The following JAM3 variants were observed in gnomAD, a reference collection of about 807,000 sequenced individuals.
JAM3 encodes junctional adhesion molecule 3.
JAM3 carries 31 observed loss-of-function variants against 39.4 expected under a neutral mutation model. The ratio of observed to expected loss-of-function variants is 0.79; its 90% CI spans 0.59 to 1.06. The LOEUF is 1.06. JAM3 is among the 50% of genes least tolerant of loss of function. The pLI is 0.00. For synonymous variants in JAM3, 182 were observed against 148.7 expected (o/e 1.22, Z -1.63); for missense variants, 455 against 391.4 (o/e 1.16, Z -1.37).
chr11:134,084,882 G>A (rs1941724001), intron 1 of JAM3, among the ~76,000 whole-genome samples: 1 of 152,098 alleles, frequency 6.6e-6, no homozygotes, highest in South Asian at 2.1e-4. Flanking sequence ...CTTTATGTTG[G>A]GTACTACTAA....
chr11:134,106,397 G>T (rs1316340770), intron 1 of JAM3, among the ~76,000 whole-genome samples: 3 of 152,008 alleles, frequency 2.0e-5, no homozygotes, highest in African/African-American at 7.3e-5. Context: ...AAAAACCCTA[G>T]AAGAAAACCT....
At chr11:134,128,643 CTCTG>C (rs774079034) in intron 1 of JAM3, among the ~76,000 whole-genome samples, 17 of 151,842 alleles carry the variant, frequency 1.1e-4, no homozygotes, top group Non-Finnish European at 1.8e-4. Context: ...TGCATGTGTG[CTCTG>C]TCTCTCTCCT....
At chr11:134,090,007 G>A (rs1941816209) in intron 1 of JAM3, among the ~76,000 whole-genome samples, 1 of 152,184 alleles carries the variant, frequency 6.6e-6, no homozygotes, top group South Asian at 2.1e-4. Context: ...CATTCTAACT[G>A]GTGTGAGATG....
intron 1 of JAM3, among the ~76,000 whole-genome samples, chr11:134,078,565 C>T (rs543393166): frequency 1.3e-5 from 2 of 152,316 alleles, no homozygotes; most frequent in East Asian, 3.9e-4. Flanking sequence ...AAAACTATGA[C>T]TTATGTGAGA....
intron 1 of JAM3, among the ~76,000 whole-genome samples, chr11:134,116,952 G>GT (rs1199146390): frequency 1.3e-4 from 19 of 151,820 alleles, no homozygotes; most frequent in African/African-American, 4.6e-4. Flanking sequence ...TACCTACAAC[G>GT]TATTTATAGT....
At chr11:134,115,494 TAGC>T in intron 1 of JAM3, among the ~76,000 whole-genome samples, 1 of 152,208 alleles carries the variant, frequency 6.6e-6, no homozygotes, top group East Asian at 1.9e-4. Flanking sequence ...GTTGGTTTAT[TAGC>T]TATAACTTAT....
intron 1 of JAM3, among the ~76,000 whole-genome samples, chr11:134,107,498 T>C (rs1279683519): frequency 6.6e-6 from 1 of 151,482 alleles, no homozygotes; most frequent in Non-Finnish European, 1.5e-5. Context: ...ATATAAATAG[T>C]CAAAAAAAAG....
At chr11:134,136,048 T>C (rs1410652554) in intron 1 of JAM3, among the ~76,000 whole-genome samples, 1 of 152,022 alleles carries the variant, frequency 6.6e-6, no homozygotes, top group Non-Finnish European at 1.5e-5. Flanking sequence ...CCAGCCTGGG[T>C]GACAAGAGTG....
intron 1 of JAM3, among the ~76,000 whole-genome samples, chr11:134,107,045 T>C (rs1216591878): frequency 2.0e-5 from 3 of 152,166 alleles, no homozygotes; most frequent in South Asian, 2.1e-4. Context: ...ATGTGTATTG[T>C]GGCACTATTC....
At chr11:134,132,990 A>G (rs915685898) in intron 1 of JAM3, among the ~76,000 whole-genome samples, 1 of 152,150 alleles carries the variant, frequency 6.6e-6, no homozygotes, top group East Asian at 1.9e-4. Flanking sequence ...ATCTGGAGAC[A>G]GTGTTTTGAC....
intron 6 of JAM3, among the ~76,000 whole-genome samples, 155 bp downstream of exon 6, chr11:134,146,200 AG>A (rs1943067823): frequency 6.6e-6 from 1 of 152,182 alleles, no homozygotes; most frequent in South Asian, 2.1e-4. Context: ...TGCACAGTGA[AG>A]GGAAGGCTGA....
Position 134,145,829 on chromosome 11 carries a change from T to A in JAM3, c.613-117T>A, listed in dbSNP as rs576122430. ...GGTCAGGGAGGAACATGCACAGTGC[T>A]GGGGAAGCTGAAAGCAAGCGAGCAG... is the stretch of plus-strand genomic sequence containing the variant. On this transcript the variant is annotated intron_variant, in intron 5 of 8. Coordinates refer to ENST00000299106, the MANE Select transcript of JAM3 (RefSeq NM_032801.5). 1.4e-5 allele frequency: 11 copies of A among 764,434 alleles called. No individual in the cohort carries two copies. The East Asian group carries it at 2.5e-4, about 17-fold the overall frequency. 47.4% of individuals were successfully genotyped at this position (764,434 alleles called of 1,614,324 possible).
intron 1 of JAM3, among the ~76,000 whole-genome samples, chr11:134,107,708 TA>T (rs994330901): frequency 8.6e-5 from 13 of 151,834 alleles, no homozygotes; most frequent in African/African-American, 3.1e-4. Flanking sequence ...ACAAAAAATT[TA>T]AAAATGAGCC....
intron 1 of JAM3, among the ~76,000 whole-genome samples, chr11:134,107,599 G>A (rs1286475559): frequency 6.6e-6 from 1 of 152,120 alleles, no homozygotes; most frequent in East Asian, 1.9e-4. Flanking sequence ...CAGCATGAAA[G>A]ACCTATATTC....
chr11:134,106,785 C>G (rs1942199263), intron 1 of JAM3, among the ~76,000 whole-genome samples: 1 of 152,174 alleles, frequency 6.6e-6, no homozygotes, highest in African/African-American at 2.4e-5. Context: ...CAATGAGATA[C>G]CATCTCACAC....
chr11:134,132,463 A>G (rs1202078480), intron 1 of JAM3, among the ~76,000 whole-genome samples: 2 of 152,206 alleles, frequency 1.3e-5, no homozygotes, highest in Non-Finnish European at 1.5e-5. Context: ...TACTTAGACA[A>G]TAATTCGAAG....
chr11:134,133,742 C>T (rs1384602951), intron 1 of JAM3, among the ~76,000 whole-genome samples: 1 of 152,094 alleles, frequency 6.6e-6, no homozygotes, highest in South Asian at 2.1e-4. Flanking sequence ...AAGACTGAGA[C>T]CTAATCATAG....
Position 134,142,641 on chromosome 11 carries a change from C to T in JAM3, c.257-1600C>T, listed in dbSNP as rs61637602. On this transcript the variant is annotated intron_variant, in intron 3 of 8. Coordinates refer to ENST00000299106, the MANE Select transcript of JAM3 (RefSeq NM_032801.5). ...AATGTTTTTTTATGGAGCTGTAATT[C>T]GTACCGCATCCTTTTAAAGTGTGCA... Among the ~76,000 whole-genome samples, 1,338 of 152,240 alleles carry T rather than the reference C, an allele frequency of 8.8e-3. 20 individuals carry two copies. The highest frequency in any genetic ancestry group is 0.03 in the African/African-American group (1,237 of 41,536).
chr11:134,100,593 A>G lies in JAM3; in HGVS notation c.76+31434A>G, dbSNP rs770866788. Among the ~76,000 whole-genome samples the G allele has an allele frequency of 1.3e-4, 20 of 152,190 alleles. No homozygotes were observed. The East Asian group carries it at 3.9e-3, about 29-fold the overall frequency. ...TCCTTGAGGGCATCCTTGGGTCTGT[A>G]CACCACTGAAATCTCAGCACCTAGA... is the stretch of plus-strand genomic sequence containing the variant. On this transcript the variant is annotated intron_variant, in intron 1 of 8. Transcript: ENST00000299106.
Sources: gnomAD v4.1 joint callset for allele counts (sites outside exome capture counted in the v4.1 genomes callset) on GRCh38, gnomAD v4.1.1 for gene constraint, MANE v1.5 for transcripts, NCBI Gene and HGNC (gene_info 2026-07-23, HGNC 2026-07-21) for gene names.